The following TECTB variants were observed in gnomAD, a reference collection of about 807,000 sequenced individuals.
TECTB encodes the protein tectorin beta, also known as beta-tectorin.
TECTB carries 45 observed loss-of-function variants against 43.3 expected under a neutral mutation model. That is an observed-to-expected ratio of 1.04 (90% CI 0.82 to 1.33). TECTB has a LOEUF of 1.33. Ranked by LOEUF, TECTB falls within the 40% of genes most tolerant of loss-of-function variation. TECTB has a pLI of 0.00. For synonymous variants in TECTB, 169 were observed against 156.7 expected (o/e 1.08, Z -0.59); for missense variants, 399 against 404.7 (o/e 0.99, Z 0.12).
chr10:112,289,261 A>G (rs972247553), intron 5 of TECTB, among the ~76,000 whole-genome samples: 17 of 152,222 alleles, frequency 1.1e-4, no homozygotes, highest in Non-Finnish European at 2.5e-4. Context: ...CTGAACATCG[A>G]TGTCAGTGTT....
chr10:112,286,707 G>A (rs1335293440), intron 5 of TECTB, among the ~76,000 whole-genome samples: 2 of 152,112 alleles, frequency 1.3e-5, no homozygotes, highest in Non-Finnish European at 2.9e-5. Context: ...ATCATCTGAG[G>A]TCAGGAGTTT....
intron 8 of TECTB, among the ~76,000 whole-genome samples, chr10:112,299,161 T>C (rs1052550373): frequency 2.6e-5 from 4 of 152,168 alleles, no homozygotes; most frequent in African/African-American, 7.2e-5. Flanking sequence ...ACTTCTCTAA[T>C]TATTGTGGTG....
chr10:112,294,016 C>T lies in TECTB; in HGVS notation c.626C>T (p.Ser209Leu), dbSNP rs1004125101. 23 of 1,614,092 alleles carry T rather than the reference C, an allele frequency of 1.4e-5. No individual in the cohort carries two copies. The highest frequency in any genetic ancestry group is 1.6e-4 in the Middle Eastern group (1 of 6,084). ...TTGAACAGCTGTTGGGCCACCCCCT[C>T]GGCTGACTTCATGTATCCCTTGCAG... ...VVLNSCWATP[S>L]ADFMYPLQWQ... Residue 209 changes from serine (S) to leucine (L), a missense_variant, in exon 7 of 11, where the codon TCG (serine) becomes TTG (leucine). Transcript: ENST00000646139.
chr10:112,300,637 A>T (rs1848603415), intron 9 of TECTB, among the ~76,000 whole-genome samples: 1 of 152,182 alleles, frequency 6.6e-6, no homozygotes, highest in African/African-American at 2.4e-5. Context: ...AATGCTCCCA[A>T]ATCTGAAACT....
At chr10:112,301,058 A>G (rs1405281083) in intron 9 of TECTB, among the ~76,000 whole-genome samples, 1 of 152,252 alleles carries the variant, frequency 6.6e-6, no homozygotes, top group African/African-American at 2.4e-5. Flanking sequence ...GGAATTAAGA[A>G]CAGTTTTCAC....
At chr10:112,299,814 C>A (rs1848582181) in intron 9 of TECTB, 1 of 482,410 alleles carries the variant, frequency 2.1e-6, no homozygotes, top group East Asian at 3.3e-5. Flanking sequence ...CCCAAAGAAT[C>A]AGGAAGTGCT....
intron 5 of TECTB, among the ~76,000 whole-genome samples, chr10:112,291,971 C>G (rs1442130691): frequency 6.6e-6 from 1 of 152,054 alleles, no homozygotes; most frequent in Non-Finnish European, 1.5e-5. Context: ...CCTGTCTCTA[C>G]TAAAAATACA....
chr10:112,297,198 C>T (rs935983132), intron 7 of TECTB, among the ~76,000 whole-genome samples: 7 of 152,106 alleles, frequency 4.6e-5, no homozygotes, highest in African/African-American at 1.7e-4. Context: ...CACTGTAGGA[C>T]GTTCAGCAGC....
At chr10:112,292,998 G>A (rs1273415842) in intron 5 of TECTB, among the ~76,000 whole-genome samples, 1 of 152,112 alleles carries the variant, frequency 6.6e-6, no homozygotes, top group African/African-American at 2.4e-5. Flanking sequence ...CCCAACCACT[G>A]TATTTAAAAC....
intron 3 of TECTB, among the ~76,000 whole-genome samples, chr10:112,285,469 G>A (rs1408202135): frequency 6.6e-6 from 1 of 152,168 alleles, no homozygotes; most frequent in Non-Finnish European, 1.5e-5. Flanking sequence ...GATTTAATGG[G>A]AAGAGTCATG....
chr10:112,296,906 T>C (rs879241803), intron 7 of TECTB, among the ~76,000 whole-genome samples: 3 of 152,128 alleles, frequency 2.0e-5, no homozygotes, highest in Admixed American at 2.0e-4. Context: ...TATGGTGCTA[T>C]TCAGTGGTCT....
chr10:112,301,840 A>G (rs185836845), intron 9 of TECTB, among the ~76,000 whole-genome samples: 5 of 152,216 alleles, frequency 3.3e-5, no homozygotes, highest in African/African-American at 9.6e-5. Context: ...CCTCCTGAGT[A>G]GCTGGGATTA....
intron 5 of TECTB, among the ~76,000 whole-genome samples, chr10:112,287,263 G>A (rs1443252226): frequency 6.6e-6 from 1 of 152,196 alleles, no homozygotes; most frequent in Non-Finnish European, 1.5e-5. Flanking sequence ...TGTTGACATA[G>A]AAGTTAAAGG....
intron 10 of TECTB, 99 bp downstream of exon 10, chr10:112,302,232 T>A: frequency 1.2e-5 from 18 of 1,451,686 alleles, no homozygotes; most frequent in Non-Finnish European, 1.6e-5. Context: ...GCAAAACTTT[T>A]AAGGATTGAA....
Position 112,284,602 on chromosome 10 carries a change from G to A in TECTB, c.144G>A (p.Trp48Ter). 6.2e-7 allele frequency: 1 copy of A among 1,613,800 alleles called. No homozygotes were observed. The highest frequency in any genetic ancestry group is 1.1e-5 in the South Asian group (1 of 90,982). The change falls in exon 3 of 11, where the codon TGG becomes TGA. Residue 48 changes from tryptophan to a stop codon, truncating the protein, a stop_gained. Transcript: ENST00000646139. LOFTEE classifies it high-confidence loss of function. ...AAATCCCCGAGTGTCCCTATGGATG[G>A]GAAGTTCATCAGCTGGCCCTCGGAG... ...ITKIPECPYG[W>*]EVHQLALGGL... is the part of the protein sequence containing the mutation.
At position 112,303,379 on chromosome 10, in the gene TECTB, T is replaced by C. The variant is rs1425335213; in HGVS notation, c.*67T>C. 1.3e-6 allele frequency: 2 copies of C among 1,593,648 alleles called. No individual in the cohort carries two copies. Among genetic ancestry groups the C allele is most frequent in the Admixed American group, 1.7e-5 (1 of 59,934 alleles). On this transcript the variant is annotated 3_prime_UTR_variant, in exon 11 of 11. Transcript: ENST00000646139. The stretch of plus-strand genomic sequence containing the variant: ...CTCAGCGAATGACAAACACATTTAT[T>C]GTGCTGCCAAAAAGAACAAACAGAA...
At chr10:112,287,923 T>G (rs961038281) in intron 5 of TECTB, among the ~76,000 whole-genome samples, 3 of 152,186 alleles carry the variant, frequency 2.0e-5, no homozygotes, top group African/African-American at 7.2e-5. Flanking sequence ...GATCTGCCCC[T>G]AGCCACACAC....
chr10:112,296,311 G>A (rs1244992954), intron 7 of TECTB, among the ~76,000 whole-genome samples: 1 of 152,178 alleles, frequency 6.6e-6, no homozygotes, highest in Non-Finnish European at 1.5e-5. Context: ...CATGCAGAGA[G>A]GGCATAAAAG....
At chr10:112,292,403 C>G (rs184763235) in intron 5 of TECTB, among the ~76,000 whole-genome samples, 4 of 152,104 alleles carry the variant, frequency 2.6e-5, no homozygotes, top group Admixed American at 6.5e-5. Flanking sequence ...CCACTGCACT[C>G]AGAGAGTAAG....
Sources: gnomAD v4.1 joint callset for allele counts (sites outside exome capture counted in the v4.1 genomes callset) on GRCh38, gnomAD v4.1.1 for gene constraint, MANE v1.5 for transcripts, NCBI Gene and HGNC (gene_info 2026-07-23, HGNC 2026-07-21) for gene names.